The following MYT1L variants were observed in gnomAD, a reference collection of about 807,000 sequenced individuals.
MYT1L encodes the protein myelin transcription factor 1-like protein.
MYT1L carries 12 observed loss-of-function variants against 126.7 expected under a neutral mutation model. That is an observed-to-expected ratio of 0.09 (90% CI 0.06 to 0.15). The LOEUF is 0.15. Ranked by LOEUF, MYT1L falls within the 10% of genes least tolerant of loss-of-function variation. The pLI is 1.00. For synonymous variants in MYT1L, 541 were observed against 604.2 expected, an observed-to-expected ratio of 0.90 and a Z score of 1.53; for missense variants, 979 against 1,585.2, an observed-to-expected ratio of 0.62 and a Z score of 6.49.
intron 2 of MYT1L, among the ~76,000 whole-genome samples, chr2:2,238,750 T>A (rs755810638): frequency 2.4e-4 from 37 of 152,354 alleles, no homozygotes; most frequent in Non-Finnish European, 5.0e-4. Flanking sequence ...ATGCAACGAT[T>A]GTAAGTGTAG....
chr2:2,281,415 T>C (rs2095444914), intron 2 of MYT1L, among the ~76,000 whole-genome samples: 1 of 152,198 alleles, frequency 6.6e-6, no homozygotes, highest in Non-Finnish European at 1.5e-5. Context: ...CAAATGACTT[T>C]TGTTTTCTTT....
chr2:2,061,440 GA>G (rs1367410990), intron 3 of MYT1L, among the ~76,000 whole-genome samples: 2 of 152,048 alleles, frequency 1.3e-5, no homozygotes, highest in African/African-American at 2.4e-5. Flanking sequence ...TCTAAATATA[GA>G]AATTGAAACA....
chr2:2,268,979 G>A (rs990631723), intron 2 of MYT1L, among the ~76,000 whole-genome samples: 2 of 152,072 alleles, frequency 1.3e-5, no homozygotes, highest in Admixed American at 1.3e-4. Flanking sequence ...GTCTCTTTGC[G>A]GACATTATTA....
At chr2:2,330,222 T>C (rs1156929503) in intron 1 of MYT1L, among the ~76,000 whole-genome samples, 9 of 152,120 alleles carry the variant, frequency 5.9e-5, no homozygotes, top group Admixed American at 5.9e-4. Flanking sequence ...AGTTTTACTC[T>C]AAGTAACTTA....
intron 9 of MYT1L, among the ~76,000 whole-genome samples, chr2:1,931,351 C>T (rs1481145877): frequency 1.3e-5 from 2 of 151,466 alleles, no homozygotes; most frequent in Admixed American, 6.6e-5. Context: ...ATGTCTGCTG[C>T]GCCTTGCAAG....
chr2:1,905,502 C>T (rs926920852), intron 13 of MYT1L, among the ~76,000 whole-genome samples: 10 of 151,850 alleles, frequency 6.6e-5, no homozygotes, highest in African/African-American at 1.7e-4. Flanking sequence ...TACAGTCTCC[C>T]GCCACCATGC....
intron 19 of MYT1L, among the ~76,000 whole-genome samples, chr2:1,846,980 T>A (rs2042585128): frequency 6.6e-6 from 1 of 152,192 alleles, no homozygotes; most frequent in Admixed American, 6.5e-5. Context: ...CAGGACCTGG[T>A]GATGTCTCCA....
chr2:2,324,311 C>T (rs998074629), intron 1 of MYT1L: 4 of 152,258 alleles, frequency 2.6e-5, no homozygotes, highest in African/African-American at 7.2e-5. Context: ...GCCACCCCTG[C>T]CTTCCATCTT....
chr2:1,971,086 G>A (rs1194089776), intron 8 of MYT1L, among the ~76,000 whole-genome samples: 11 of 152,086 alleles, frequency 7.2e-5, no homozygotes, highest in Admixed American at 7.2e-4. Context: ...AGACTGAGGT[G>A]GGAGGATCAC....
At chr2:1,870,856 G>A (rs552396313) in intron 18 of MYT1L, among the ~76,000 whole-genome samples, 2 of 152,356 alleles carry the variant, frequency 1.3e-5, no homozygotes, top group African/African-American at 4.8e-5. Context: ...TACTGCTAAA[G>A]TGTCCTACGT....
At chr2:2,288,272 G>A (rs2095551585) in intron 1 of MYT1L, among the ~76,000 whole-genome samples, 1 of 152,154 alleles carries the variant, frequency 6.6e-6, no homozygotes. Context: ...GTCAATAGTA[G>A]AGTTGGATTT....
intron 5 of MYT1L, among the ~76,000 whole-genome samples, chr2:1,984,832 G>GA (rs2060887198): frequency 6.6e-6 from 1 of 152,100 alleles, no homozygotes. Context: ...TTAAATGCAC[G>GA]AAAATTTCAT....
At chr2:1,839,912 GA>G (rs1427136696) in intron 20 of MYT1L, among the ~76,000 whole-genome samples, 2 of 152,146 alleles carry the variant, frequency 1.3e-5, no homozygotes, top group African/African-American at 4.8e-5. Flanking sequence ...AAGTCTCCTG[GA>G]ATCGGGCTGA....
At chr2:2,056,431 A>G (rs2069569364) in intron 3 of MYT1L, among the ~76,000 whole-genome samples, 1 of 152,212 alleles carries the variant, frequency 6.6e-6, no homozygotes, top group African/African-American at 2.4e-5. Flanking sequence ...TGACAAATGA[A>G]CTATAGGCTA....
chr2:2,094,159 G>C (rs941070059), intron 3 of MYT1L, among the ~76,000 whole-genome samples: 2 of 152,134 alleles, frequency 1.3e-5, no homozygotes, highest in Non-Finnish European at 2.9e-5. Context: ...GCTTAGGATT[G>C]ACTTGGCAAT....
At chr2:2,319,356 T>C (rs1242900955) in intron 1 of MYT1L, 1 of 152,034 alleles carries the variant, frequency 6.6e-6, no homozygotes, top group Non-Finnish European at 1.5e-5. Flanking sequence ...CCAAACAGCA[T>C]TCTGTTTACT....
chr2:2,233,376 C>A (rs2094206343), intron 2 of MYT1L, among the ~76,000 whole-genome samples: 1 of 152,162 alleles, frequency 6.6e-6, no homozygotes, highest in Non-Finnish European at 1.5e-5. Flanking sequence ...GTCCTGGAGA[C>A]CAACGGGCTG....
At chr2:2,281,607 G>A (rs1340114586) in intron 2 of MYT1L, among the ~76,000 whole-genome samples, 1 of 152,120 alleles carries the variant, frequency 6.6e-6, no homozygotes, top group African/African-American at 2.4e-5. Flanking sequence ...TGAATGGCGT[G>A]AACTTAACTT....
At chr2:1,792,224 C>T in intron 24 of MYT1L, 97 bp downstream of exon 24, 2 of 1,433,496 alleles carry the variant, frequency 1.4e-6, no homozygotes, top group Non-Finnish European at 1.9e-6. Context: ...TTGCCAAAGG[C>T]TGAAGAACCA....
Sources: gnomAD v4.1 joint callset for allele counts (sites outside exome capture counted in the v4.1 genomes callset) on GRCh38, gnomAD v4.1.1 for gene constraint, MANE v1.5 for transcripts, NCBI Gene and HGNC (gene_info 2026-07-23, HGNC 2026-07-21) for gene names.